Variants in FOXP2 observed in about 807,000 individuals in gnomAD.
FOXP2 encodes forkhead box protein P2.
A neutral mutation model predicts 115.8 loss-of-function variants in FOXP2; 12 were observed. The ratio of observed to expected loss-of-function variants is 0.10; its 90% CI spans 0.07 to 0.17. The LOEUF (loss-of-function observed/expected upper bound fraction) is 0.17, where lower values mean the gene tolerates loss of function less well. FOXP2 is among the 10% of genes least tolerant of loss of function. The pLI, the probability that FOXP2 is intolerant of heterozygous loss-of-function variation, is 1.00. For synonymous variants in FOXP2, 328 were observed against 297.7 expected (o/e 1.10, Z -1.05); for missense variants, 629 against 843.5 (o/e 0.75, Z 3.15).
intron 2 of FOXP2, among the ~76,000 whole-genome samples, chr7:114,352,887 AT>A (rs1410561664): frequency 6.6e-6 from 1 of 152,176 alleles, no homozygotes; most frequent in Non-Finnish European, 1.5e-5. Flanking sequence ...GTTCTTCACA[AT>A]ATACAGTTTT....
At chr7:114,420,912 GAAAT>G (rs960731697) in intron 1 of FOXP2, among the ~76,000 whole-genome samples, 45 of 151,754 alleles carry the variant, frequency 3.0e-4, no homozygotes, top group African/African-American at 1.0e-3. Context: ...ACATGTTTGA[GAAAT>G]AAATATATAC....
chr7:114,405,398 T>G (rs1258629361), intron 2 of FOXP2, among the ~76,000 whole-genome samples: 1 of 152,020 alleles, frequency 6.6e-6, no homozygotes, highest in Non-Finnish European at 1.5e-5. Flanking sequence ...GTAATATCTA[T>G]TAATTACACA....
intron 2 of FOXP2, among the ~76,000 whole-genome samples, chr7:114,327,166 A>G (rs1014205555): frequency 1.3e-5 from 2 of 152,124 alleles, no homozygotes; most frequent in Non-Finnish European, 2.9e-5. Flanking sequence ...ATATATTTGT[A>G]TGATTACTAA....
chr7:114,176,378 A>C (rs1432940457), intron 1 of FOXP2, among the ~76,000 whole-genome samples: 1 of 146,672 alleles, frequency 6.8e-6, no homozygotes, highest in Non-Finnish European at 1.5e-5. Flanking sequence ...TCAGTCTGTC[A>C]CACAGGCTGG....
intron 2 of FOXP2, among the ~76,000 whole-genome samples, chr7:114,516,521 C>T (rs2129266107): frequency 6.6e-6 from 1 of 152,108 alleles, no homozygotes; most frequent in South Asian, 2.1e-4. Context: ...TTTGAATATA[C>T]ACCTAATAGT....
rs1804805688 is a variant in FOXP2, at chr7:114,629,942, A to G, written c.534A>G (p.Gln178=). Residue 178 remains glutamine, a synonymous_variant, in exon 5 of 17, where the codon CAA becomes CAG. Coordinates refer to ENST00000350908, the MANE Select transcript of FOXP2 (RefSeq NM_014491.4). ...AACAACAACAACAACAGCAGCAACA[A>G]CAGCAGCAGCAGCAGCAACAGCAGC... ...QQQQQQQQQQ[Q]QQQQQQQQQQ... 7 of 1,608,822 alleles carry G rather than the reference A, an allele frequency of 4.4e-6. No individual in the cohort carries two copies. Among genetic ancestry groups the G allele is most frequent in the East Asian group, 4.5e-5 (2 of 44,608 alleles).
At chr7:114,572,784 A>G (rs1012754292) in intron 3 of FOXP2, among the ~76,000 whole-genome samples, 6 of 151,894 alleles carry the variant, frequency 4.0e-5, no homozygotes, top group African/African-American at 1.2e-4. Context: ...AAAGAAATCT[A>G]TAGCATCAAA....
At chr7:114,349,684 T>TGG (rs1385526520) in intron 2 of FOXP2, among the ~76,000 whole-genome samples, 2 of 151,914 alleles carry the variant, frequency 1.3e-5, no homozygotes, top group Non-Finnish European at 2.9e-5. Flanking sequence ...TGTGTGTGTG[T>TGG]GTGTGTTCTG....
At chr7:114,664,680 A>G (rs1015657673) in intron 16 of FOXP2, 42 of 514,328 alleles carry the variant, frequency 8.2e-5, no homozygotes, top group Non-Finnish European at 4.9e-5. Context: ...TAGTACTACT[A>G]ATGTTCTCTT....
chr7:114,522,118 T>C (rs1798652724), intron 2 of FOXP2, among the ~76,000 whole-genome samples: 1 of 152,326 alleles, frequency 6.6e-6, no homozygotes, highest in South Asian at 2.1e-4. Flanking sequence ...TAAGGGAAAT[T>C]GAATGTATTC....
At chr7:114,140,174 T>C (rs550712875) in intron 1 of FOXP2, among the ~76,000 whole-genome samples, 1 of 152,320 alleles carries the variant, frequency 6.6e-6, no homozygotes, top group African/African-American at 2.4e-5. Context: ...CTGCAGACTT[T>C]TGTTGTGCTT....
At chr7:114,395,892 A>G (rs965225886) in intron 2 of FOXP2, among the ~76,000 whole-genome samples, 3 of 151,896 alleles carry the variant, frequency 2.0e-5, no homozygotes, top group African/African-American at 4.8e-5. Context: ...AATTTTTTCT[A>G]ACTACATAGT....
chr7:114,292,826 T>C (rs1387944795), intron 2 of FOXP2, among the ~76,000 whole-genome samples: 1 of 152,208 alleles, frequency 6.6e-6, no homozygotes, highest in Non-Finnish European at 1.5e-5. Context: ...ATAGTATCTT[T>C]AGAAATATTC....
intron 1 of FOXP2, among the ~76,000 whole-genome samples, chr7:114,271,967 TATATA>T (rs1796067861): frequency 7.5e-6 from 1 of 133,442 alleles, no homozygotes. Context: ...ATATTAATTA[TATATA>T]ATATAATTAT....
At position 114,693,306 on chromosome 7, in the gene FOXP2, C is replaced by T. The variant is rs144431301; in HGVS notation, c.*3380C>T. On this transcript the variant is annotated 3_prime_UTR_variant, in exon 17 of 17. Coordinates refer to ENST00000350908, the MANE Select transcript of FOXP2 (RefSeq NM_014491.4). ...ATGCATTTCTTTGTGATTAGGGAAT[C>T]GAAGAATAGTCAGCTAGGAATAGAG... 8.2e-5 allele frequency: 37 copies of T among 452,492 alleles called. No individual in the cohort carries two copies. The highest frequency in any genetic ancestry group is 4.7e-4 in the Admixed American group (20 of 42,378). The allele number at this position is 452,492 out of a possible 1,614,324, so 28.0% of individuals were successfully genotyped here. A position where few individuals can be genotyped will look rare whatever the true frequency, so the allele number is the denominator to read the frequency against.
chr7:114,574,612 T>C (rs1239039310), intron 3 of FOXP2, among the ~76,000 whole-genome samples: 1 of 151,866 alleles, frequency 6.6e-6, no homozygotes, highest in African/African-American at 2.4e-5. Context: ...CTATACCCTG[T>C]TGGCACCTCA....
chr7:114,670,980 G>A (rs984763781), intron 16 of FOXP2, among the ~76,000 whole-genome samples: 2 of 150,150 alleles, frequency 1.3e-5, no homozygotes, highest in African/African-American at 4.9e-5. Flanking sequence ...CTTTTTTTTT[G>A]CCTCACATAT....
At chr7:114,688,190 A>G (rs28629214) in intron 16 of FOXP2, among the ~76,000 whole-genome samples, 2 of 123,126 alleles carry the variant, frequency 1.6e-5, no homozygotes, top group South Asian at 2.9e-4. Context: ...AACACACACA[A>G]ACACATGCAT....
At chr7:114,322,197 T>C (rs1797441747) in intron 2 of FOXP2, among the ~76,000 whole-genome samples, 1 of 151,802 alleles carries the variant, frequency 6.6e-6, no homozygotes, top group Non-Finnish European at 1.5e-5. Context: ...TAATATTTTC[T>C]TTTGTAGTGA....
Sources: allele counts gnomAD v4.1 joint callset (sites outside exome capture counted in the v4.1 genomes callset), GRCh38; gene constraint gnomAD v4.1.1; transcripts MANE v1.5; gene names NCBI Gene and HGNC (gene_info 2026-07-23, HGNC 2026-07-21).